KDM7A: variants seen among roughly 807,000 people sequenced by gnomAD.
The protein encoded by KDM7A is lysine-specific demethylase 7A.
KDM7A carries 28 observed loss-of-function variants against 114.8 expected under a neutral mutation model. The observed-to-expected ratio is 0.24, with a 90% CI of 0.18 to 0.33. KDM7A has a LOEUF of 0.33. KDM7A is among the 10% of genes least tolerant of loss of function. The pLI, the probability that KDM7A is intolerant of heterozygous loss-of-function variation, is 1.00. For synonymous variants in KDM7A, 423 were observed against 397.8 expected (o/e 1.06, Z -0.75); for missense variants, 942 against 1,142.5 (o/e 0.82, Z 2.53).
intron 4 of KDM7A, among the ~76,000 whole-genome samples, chr7:140,128,270 A>C (rs1818736723): frequency 6.6e-6 from 1 of 152,226 alleles, no homozygotes; most frequent in African/African-American, 2.4e-5. Flanking sequence ...TAGGAAGCAT[A>C]ATTAGTTTGA....
At chr7:140,141,309 G>T (rs1037345581) in intron 1 of KDM7A, among the ~76,000 whole-genome samples, 1 of 151,972 alleles carries the variant, frequency 6.6e-6, no homozygotes, top group Admixed American at 6.6e-5. Flanking sequence ...GAAATGTACA[G>T]GGCCAAGAAT....
intron 1 of KDM7A, among the ~76,000 whole-genome samples, chr7:140,160,728 A>C (rs1461541071): frequency 6.6e-6 from 1 of 152,226 alleles, no homozygotes. Context: ...AAGAATGAGA[A>C]AACTGAAAAA....
At chr7:140,106,729 A>C (rs1818342936) in intron 11 of KDM7A, among the ~76,000 whole-genome samples, 1 of 152,210 alleles carries the variant, frequency 6.6e-6, no homozygotes, top group African/African-American at 2.4e-5. Context: ...CTTTGGAATA[A>C]GTGCGACGTA....
chr7:140,149,914 A>G (rs747665576), intron 1 of KDM7A, among the ~76,000 whole-genome samples: 1 of 152,254 alleles, frequency 6.6e-6, no homozygotes, highest in African/African-American at 2.4e-5. Flanking sequence ...GTGTATATAC[A>G]TAACAGTATG....
At chr7:140,116,906 AAG>A (rs1818539465) in intron 9 of KDM7A, among the ~76,000 whole-genome samples, 1 of 152,352 alleles carries the variant, frequency 6.6e-6, no homozygotes, top group Non-Finnish European at 1.5e-5. Flanking sequence ...AAACACAGTA[AAG>A]AGTTTCAGGT....
At chr7:140,135,156 G>A (rs550041304) in intron 2 of KDM7A, among the ~76,000 whole-genome samples, 1 of 149,416 alleles carries the variant, frequency 6.7e-6, no homozygotes, top group Admixed American at 6.7e-5. Flanking sequence ...TCCTAAATTT[G>A]AGTGTATTTC....
chr7:140,107,535 T>G (rs1034282974), intron 11 of KDM7A, among the ~76,000 whole-genome samples: 8 of 152,220 alleles, frequency 5.3e-5, no homozygotes, highest in Non-Finnish European at 1.2e-4. Flanking sequence ...TTATGAAGCT[T>G]AGTTTGGCTG....
chr7:140,116,331 C>T (rs1407135212), intron 9 of KDM7A, among the ~76,000 whole-genome samples: 1 of 151,972 alleles, frequency 6.6e-6, no homozygotes, highest in Non-Finnish European at 1.5e-5. Context: ...ACTACAGCCA[C>T]ACACAAAAAC....
chr7:140,159,945 TA>T lies in KDM7A; in HGVS notation c.194+16798del, dbSNP rs71520071. Reference sequence around the variant, plus strand: ...AAGTTCTTCAATCCTTGACTTCCATTAAAAAAAAAAAAAAAAAAAACCTGTA... The same window carrying T: ...AAGTTCTTCAATCCTTGACTTCCATTAAAAAAAAAAAAAAAAAAACCTGTA... On this transcript the variant is annotated intron_variant, in intron 1 of 19. Coordinates refer to ENST00000397560, the MANE Select transcript of KDM7A (RefSeq NM_030647.2). 3.9e-3 allele frequency among the ~76,000 whole-genome samples: 480 copies of T among 124,030 alleles called. 1 individual carries two copies. The highest frequency in any genetic ancestry group is 7.4e-3 in the South Asian group (28 of 3,764). The allele number at this position is 124,030 out of a possible 152,430, so 81.4% of individuals were successfully genotyped here.
intron 17 of KDM7A, among the ~76,000 whole-genome samples, chr7:140,095,900 T>TA (rs1193341391): frequency 6.6e-5 from 10 of 151,776 alleles, no homozygotes; most frequent in East Asian, 1.9e-4. Flanking sequence ...AAATAAATAA[T>TA]AAAAAAAATT....
intron 1 of KDM7A, among the ~76,000 whole-genome samples, chr7:140,146,012 T>C (rs569535264): frequency 6.6e-6 from 1 of 152,344 alleles, no homozygotes; most frequent in South Asian, 2.1e-4. Flanking sequence ...AGTGTCTACT[T>C]GTCATCCCAC....
At position 140,086,924 on chromosome 7, in the gene KDM7A, T is replaced by C. The variant is rs899120221; in HGVS notation, c.*4170A>G. ...AATTAACAATATTTAATGAGAAAAATGAATTTTTGATAATTATGCCTAGCA... is the reference window on the plus strand; with the variant it reads ...AATTAACAATATTTAATGAGAAAAACGAATTTTTGATAATTATGCCTAGCA... On this transcript the variant is annotated 3_prime_UTR_variant, in exon 20 of 20. Coordinates refer to ENST00000397560, the MANE Select transcript of KDM7A (RefSeq NM_030647.2). 1.1e-4 allele frequency: 17 copies of C among 152,150 alleles called. No homozygotes were observed. Among genetic ancestry groups the C allele is most frequent in the African/African-American group, 3.4e-4 (14 of 41,510 alleles). The allele number at this position is 152,150 out of a possible 1,614,324, so 9.4% of individuals were successfully genotyped here. A position where few individuals can be genotyped will look rare whatever the true frequency, so the allele number is the denominator to read the frequency against.
At chr7:140,121,121 G>A (rs1279349505) in intron 7 of KDM7A, among the ~76,000 whole-genome samples, 1 of 152,132 alleles carries the variant, frequency 6.6e-6, no homozygotes, top group Non-Finnish European at 1.5e-5. Flanking sequence ...CCTGAGACCT[G>A]ACTCTGTAGA....
intron 1 of KDM7A, among the ~76,000 whole-genome samples, chr7:140,158,803 G>A (rs1469936162): frequency 6.6e-6 from 1 of 152,180 alleles, no homozygotes; most frequent in Non-Finnish European, 1.5e-5. Flanking sequence ...CAAGTTAAGT[G>A]ATGCTCACTG....
chr7:140,119,245 A>AT (rs745609767), intron 8 of KDM7A, 26 bp from the exon 9 acceptor site: 1 of 1,268,126 alleles, frequency 7.9e-7, no homozygotes. Context: ...GAAATTTTTA[A>AT]TATTAATATT....
intron 1 of KDM7A, among the ~76,000 whole-genome samples, chr7:140,151,524 A>T (rs1333212030): frequency 6.6e-6 from 1 of 152,242 alleles, no homozygotes; most frequent in Non-Finnish European, 1.5e-5. Context: ...GGGAAAGTAC[A>T]GAACTGATTA....
chr7:140,149,361 C>T lies in KDM7A; in HGVS notation c.195-10171G>A, dbSNP rs112474493. ...TGTTATTTTGCTCTTTACTGCCTGA[C>T]ATCTTGGACACAGAGTAACTGGCAA... On this transcript the variant is annotated intron_variant, in intron 1 of 19. Coordinates refer to ENST00000397560, the MANE Select transcript of KDM7A (RefSeq NM_030647.2). Among the ~76,000 whole-genome samples, 406 of 152,296 alleles carry T rather than the reference C, an allele frequency of 2.7e-3. 4 individuals carry two copies. The highest frequency in any genetic ancestry group is 9.3e-3 in the African/African-American group (388 of 41,558).
Position 140,089,950 on chromosome 7 carries a change from G to A in KDM7A, c.*1144C>T, listed in dbSNP as rs148172233. 1 of 152,284 alleles carries A rather than the reference G, an allele frequency of 6.6e-6. No individual in the cohort carries two copies. Among genetic ancestry groups the A allele is most frequent in the Non-Finnish European group, 1.5e-5 (1 of 68,030 alleles). 9.4% of individuals were successfully genotyped at this position (152,284 alleles called of 1,614,324 possible). A position where few individuals can be genotyped will look rare whatever the true frequency, so the allele number is the denominator to read the frequency against. On this transcript the variant is annotated 3_prime_UTR_variant, in exon 20 of 20. Coordinates refer to ENST00000397560, the MANE Select transcript of KDM7A (RefSeq NM_030647.2). ...GTAGTATTAATCCTATTATATTACG[G>A]CTTATGATGCAGATTTGAATATCCT...
rs765003708 is a variant in KDM7A at position 140,129,653 on chromosome 7, A to G, written c.399T>C (p.Ser133=). 12 of 1,595,918 alleles carry G rather than the reference A, an allele frequency of 7.5e-6. No individual in the cohort carries two copies. The highest frequency in any genetic ancestry group is 5.1e-5 in the Admixed American group (3 of 59,198). The part of the protein sequence containing the change: ...IKELRSRVFP[S]ADEIIIKMHG... Reference sequence around the variant, plus strand: ...GCATCTTTATAATTATTTCATCGGCACTAAGGAAAAACATAAGAATAAAAA... The same window carrying G: ...GCATCTTTATAATTATTTCATCGGCGCTAAGGAAAAACATAAGAATAAAAA... Residue 133 remains serine (S), a splice_region_variant and synonymous_variant, in exon 4 of 20, where the codon AGT becomes AGC. Coordinates refer to ENST00000397560, the MANE Select transcript of KDM7A (RefSeq NM_030647.2).
Sources: gnomAD v4.1 joint callset for allele counts (sites outside exome capture counted in the v4.1 genomes callset) on GRCh38, gnomAD v4.1.1 for gene constraint, MANE v1.5 for transcripts, NCBI Gene and HGNC (gene_info 2026-07-23, HGNC 2026-07-21) for gene names.